BLTP1: variants seen among roughly 807,000 people sequenced by gnomAD.
BLTP1 encodes fragile site-associated protein.
chr4:122,203,275 T>G, the BLTP1 span, among the ~76,000 whole-genome samples: 1 of 151,872 alleles, frequency 6.6e-6, no homozygotes, highest in Non-Finnish European at 1.5e-5. Context: ...GGGACAAAGA[T>G]AGCTTTATGA....
chr4:122,317,857 T>A, the BLTP1 span, among the ~76,000 whole-genome samples: 1 of 152,192 alleles, frequency 6.6e-6, no homozygotes, highest in African/African-American at 2.4e-5. Context: ...ATATGTAGAA[T>A]TTTACATCCA....
At chr4:122,240,356 A>G in the BLTP1 span, 1 of 1,605,968 alleles carries the variant, frequency 6.2e-7, no homozygotes, top group Non-Finnish European at 8.5e-7. Context: ...CTTTTAAGGT[A>G]TAAACCAAAT....
At chr4:122,219,479 C>T in the BLTP1 span, 8 of 1,613,936 alleles carry the variant, frequency 5.0e-6, no homozygotes, top group African/African-American at 8.0e-5. Context: ...AATGAAGGTT[C>T]AGCCAAGTCA....
chr4:122,269,422 A>C, the BLTP1 span: 2 of 985,266 alleles, frequency 2.0e-6, no homozygotes, highest in Non-Finnish European at 1.2e-6. Context: ...TGTGAACTTC[A>C]TTGCGTTTGG....
chr4:122,354,119 T>TA, the BLTP1 span: 1 of 1,014,984 alleles, frequency 9.9e-7, no homozygotes, highest in Non-Finnish European at 1.4e-6. Flanking sequence ...TTCATTTCCT[T>TA]AAACAATTTT....
At chr4:122,271,507 TGAAA>T in the BLTP1 span, 4 of 1,613,370 alleles carry the variant, frequency 2.5e-6, no homozygotes, top group Non-Finnish European at 3.4e-6. Context: ...TAGGAAGATC[TGAAA>T]GAAGAACATC....
At chr4:122,315,444 A>G in the BLTP1 span, 5 of 1,613,620 alleles carry the variant, frequency 3.1e-6, no homozygotes, top group East Asian at 2.2e-5. Context: ...CAAAAATGCA[A>G]CTTCTTTATT....
the BLTP1 span, chr4:122,305,953 G>T: frequency 6.2e-7 from 1 of 1,611,568 alleles, no homozygotes; most frequent in Non-Finnish European, 8.5e-7. Context: ...AATGCCCTCC[G>T]AGAAGAAATC....
the BLTP1 span, chr4:122,307,564 G>A: frequency 1.0e-6 from 1 of 984,222 alleles, no homozygotes; most frequent in Non-Finnish European, 1.2e-6. Flanking sequence ...TATGTTCCTA[G>A]CATTATGTAC....
the BLTP1 span, among the ~76,000 whole-genome samples, chr4:122,352,529 T>C: frequency 6.6e-6 from 1 of 151,972 alleles, no homozygotes; most frequent in African/African-American, 2.4e-5. Context: ...CCAGCTAATT[T>C]TGGTATTTTT....
At chr4:122,164,528 G>A in the BLTP1 span, 2 of 538,426 alleles carry the variant, frequency 3.7e-6, no homozygotes, top group Non-Finnish European at 4.7e-6. Context: ...GAGGCTCACA[G>A]TTTTGACTTA....
the BLTP1 span, chr4:122,351,272 CA>C: frequency 1.1e-6 from 1 of 907,560 alleles, no homozygotes; most frequent in Non-Finnish European, 1.3e-6. Flanking sequence ...ACAAGAGAAG[CA>C]AAAAATAAAA....
At chr4:122,232,504 G>A in the BLTP1 span, among the ~76,000 whole-genome samples, 4 of 152,130 alleles carry the variant, frequency 2.6e-5, no homozygotes, top group Admixed American at 2.6e-4. Context: ...CTACTTGGGA[G>A]GCTGAGGCGG....
the BLTP1 span, chr4:122,199,229 G>A: frequency 8.0e-7 from 1 of 1,243,882 alleles, no homozygotes; most frequent in Non-Finnish European, 1.1e-6. Flanking sequence ...TCACTGAGGT[G>A]TGTTTAAATA....
the BLTP1 span, chr4:122,269,325 A>C: frequency 1.3e-6 from 1 of 784,162 alleles, no homozygotes; most frequent in Non-Finnish European, 1.5e-6. Flanking sequence ...TTGGCCTAGT[A>C]AAAACCATAT....
chr4:122,353,349 T>C, the BLTP1 span: 1 of 601,024 alleles, frequency 1.7e-6, no homozygotes, highest in Non-Finnish European at 2.1e-6. This position sits in a 1 kb window ranked among gnomAD's most constrained non-coding sequence, Gnocchi z 4.3. Flanking sequence ...TCCATGTTTC[T>C]TACTTAGGCA....
At chr4:122,327,978 C>CCT in the BLTP1 span, 1 of 697,910 alleles carries the variant, frequency 1.4e-6, no homozygotes, top group Non-Finnish European at 2.1e-6. Flanking sequence ...ATGAATCTGA[C>CCT]CTTTCTTTCA....
the BLTP1 span, chr4:122,249,145 A>AT: frequency 4.2e-3 from 2,980 of 716,290 alleles, 20 homozygotes; most frequent in East Asian, 0.054. Flanking sequence ...AATTAATTGA[A>AT]TTTTTTTTTT....
At chr4:122,180,898 T>G in the BLTP1 span, among the ~76,000 whole-genome samples, 2 of 152,232 alleles carry the variant, frequency 1.3e-5, no homozygotes, top group African/African-American at 2.4e-5. Context: ...ACTAATAGAT[T>G]ATAGTAGGCT....
Sources: allele counts gnomAD v4.1 joint callset (sites outside exome capture counted in the v4.1 genomes callset), GRCh38; gene constraint gnomAD v4.1.1; non-coding constraint Gnocchi (gnomAD v3.1); transcripts MANE v1.5; gene names NCBI Gene and HGNC (gene_info 2026-07-23, HGNC 2026-07-21).